KCNH7: variants seen among roughly 807,000 people sequenced by gnomAD.
KCNH7 encodes voltage-gated inwardly rectifying potassium channel KCNH7.
KCNH7 carries 49 observed loss-of-function variants against 120.8 expected under a neutral mutation model. That is an observed-to-expected ratio of 0.41 (90% confidence interval 0.32 to 0.51). KCNH7 has a LOEUF of 0.51. Among genes scored for constraint, KCNH7 ranks in the 20% least tolerant of loss-of-function variants. KCNH7 has a pLI of 0.38. For synonymous variants in KCNH7, 547 were observed against 516.1 expected (o/e 1.06, Z -0.81); for missense variants, 1,097 against 1,446.6 (o/e 0.76, Z 3.92).
Position 162,838,582 on chromosome 2 carries a change from C to G in KCNH7, c.-64G>C. On this transcript the variant is annotated 5_prime_UTR_variant, in exon 1 of 16. Transcript: ENST00000332142. The stretch of plus-strand genomic sequence containing the variant: ...CTGGAGTTCTCCCGGGATCTCTCCT[C>G]GGCTAGAGCCCAGGCCAGCGCGCGA... 3.7e-6 allele frequency: 5 copies of G among 1,358,050 alleles called. No individual in the cohort carries two copies. Among genetic ancestry groups the G allele is most frequent in the Non-Finnish European group, 5.2e-6 (5 of 968,116 alleles). 84.1% of individuals were successfully genotyped at this position (1,358,050 alleles called of 1,614,324 possible).
At chr2:162,750,352 TAA>T (rs959689408) in intron 2 of KCNH7, among the ~76,000 whole-genome samples, 1 of 151,432 alleles carries the variant, frequency 6.6e-6, no homozygotes, top group Non-Finnish European at 1.5e-5. Context: ...ATTTAAAAAA[TAA>T]AAAAAACTGG....
chr2:162,723,463 T>C (rs1687403606), intron 2 of KCNH7, among the ~76,000 whole-genome samples: 1 of 152,234 alleles, frequency 6.6e-6, no homozygotes, highest in African/African-American at 2.4e-5. Context: ...AAGGAATCCC[T>C]GCCACACATG....
At chr2:162,760,404 G>A (rs1211608841) in intron 2 of KCNH7, among the ~76,000 whole-genome samples, 1 of 151,936 alleles carries the variant, frequency 6.6e-6, no homozygotes, top group Non-Finnish European at 1.5e-5. Context: ...AAATCACCAT[G>A]TGTGCAAGAC....
Position 162,635,367 on chromosome 2 carries a change from C to T in KCNH7, c.308-98287G>A, listed in dbSNP as rs561368095. On this transcript the variant is annotated intron_variant, in intron 2 of 15. Coordinates refer to ENST00000332142, the MANE Select transcript of KCNH7 (RefSeq NM_033272.4). ...AATAATTATAATAATAATAGGTCCC[C>T]AAGATATTACTATACTTTTTCTGGT... 5.7e-4 allele frequency among the ~76,000 whole-genome samples: 87 copies of T among 152,108 alleles called. 1 individual carries two copies. Among genetic ancestry groups the T allele is most frequent in the Non-Finnish European group, 1.1e-3 (73 of 67,980 alleles).
Position 162,538,101 on chromosome 2 carries a change from T to C in KCNH7, c.308-1021A>G, listed in dbSNP as rs1014837521. The C allele has an allele frequency of 3.3e-5, 5 of 152,058 alleles. 1 individual carries two copies. In the South Asian group the frequency reaches 6.2e-4, roughly 19 times the overall value. 9.4% of individuals were successfully genotyped at this position (152,058 alleles called of 1,614,324 possible). A position where few individuals can be genotyped will look rare whatever the true frequency, so the allele number is the denominator to read the frequency against. On this transcript the variant is annotated intron_variant, in intron 2 of 15. Transcript: ENST00000332142. The stretch of plus-strand genomic sequence containing the variant: ...TAAAATGCCAAAACTTCAGAAGGTG[T>C]TCTTAATCATTTACAAGCTTGTCCA...
chr2:162,620,777 T>A (rs1683325975), intron 2 of KCNH7, among the ~76,000 whole-genome samples: 1 of 152,116 alleles, frequency 6.6e-6, no homozygotes, highest in Non-Finnish European at 1.5e-5. Flanking sequence ...TCTTGCATCT[T>A]TTTTTAGGTG....
chr2:162,527,445 C>T (rs1016096595), intron 3 of KCNH7, among the ~76,000 whole-genome samples: 2 of 151,970 alleles, frequency 1.3e-5, no homozygotes, highest in Admixed American at 1.3e-4. Flanking sequence ...CTCTTATAAA[C>T]CAGCTCTATG....
intron 2 of KCNH7, among the ~76,000 whole-genome samples, chr2:162,781,188 T>C (rs1464301757): frequency 6.6e-6 from 1 of 152,108 alleles, no homozygotes; most frequent in Admixed American, 6.5e-5. Context: ...ATGAATTCAG[T>C]TTGCATTTTG....
chr2:162,557,032 A>AAAGC (rs1692879769), intron 2 of KCNH7, among the ~76,000 whole-genome samples: 1 of 152,220 alleles, frequency 6.6e-6, no homozygotes, highest in Non-Finnish European at 1.5e-5. Context: ...TTAGTGGCTC[A>AAAGC]AAGCAACAAT....
At chr2:162,449,146 C>T (rs1688681094) in intron 6 of KCNH7, among the ~76,000 whole-genome samples, 1 of 151,804 alleles carries the variant, frequency 6.6e-6, no homozygotes. Flanking sequence ...AATAAAATGC[C>T]AGGGAAGTAG....
Position 162,446,042 on chromosome 2 carries a change from C to T in KCNH7, c.1530G>A (p.Leu510=), listed in dbSNP as rs1315745369. 1 of 1,613,252 alleles carries T rather than the reference C, an allele frequency of 6.2e-7. No individual in the cohort carries two copies. The highest frequency in any genetic ancestry group is 1.7e-5 in the Admixed American group (1 of 59,942). ...DMVAAIPFDL[L]IFGSGSDETT... ...CCTCATCAGAACCTGATCCAAAAAT[C>T]AGCAAGTCAAAAGGAATTGCTGCAA... Residue 510 remains leucine, a synonymous_variant, in exon 7 of 16, where the codon CTG becomes CTA. Transcript: ENST00000332142.
rs567359088 is a variant in KCNH7, at chr2:162,619,890, T to G, written c.308-82810A>C. ...TTTAAAAGGACATAAGGTATTTGCATAAATATTTAGATTAAGTATAATACT... is the reference window on the plus strand; with the variant it reads ...TTTAAAAGGACATAAGGTATTTGCAGAAATATTTAGATTAAGTATAATACT... On this transcript the variant is annotated intron_variant, in intron 2 of 15. Coordinates refer to ENST00000332142, the MANE Select transcript of KCNH7 (RefSeq NM_033272.4). Among the ~76,000 whole-genome samples the G allele has an allele frequency of 2.0e-3, 301 of 152,110 alleles. 2 individuals are homozygous for G. Among genetic ancestry groups the G allele is most frequent in the African/African-American group, 6.9e-3 (285 of 41,538 alleles).
intron 14 of KCNH7, among the ~76,000 whole-genome samples, chr2:162,378,774 G>A (rs184296228): frequency 5.9e-5 from 9 of 152,272 alleles, no homozygotes; most frequent in African/African-American, 1.7e-4. Flanking sequence ...CTGTACCTAC[G>A]AAAGGCTAAT....
chr2:162,652,381 T>C (rs1039888117), intron 2 of KCNH7, among the ~76,000 whole-genome samples: 6 of 151,996 alleles, frequency 3.9e-5, no homozygotes, highest in African/African-American at 1.4e-4. Context: ...CAACCTTTTT[T>C]GCCACCAGGG....
chr2:162,481,197 C>T (rs1057241035), intron 6 of KCNH7, among the ~76,000 whole-genome samples: 1 of 152,116 alleles, frequency 6.6e-6, no homozygotes, highest in African/African-American at 2.4e-5. Flanking sequence ...GGATGTGTCA[C>T]CACTGTAACC....
Position 162,464,550 on chromosome 2 carries a change from T to A in KCNH7, c.1129-18107A>T, listed in dbSNP as rs186326561. 2.0e-5 allele frequency among the ~76,000 whole-genome samples: 3 copies of A among 152,148 alleles called. No individual in the cohort carries two copies. In the East Asian group the frequency reaches 5.8e-4, roughly 29 times the overall value. ...TAATAATTGTGTAATAATATAACTA[T>A]ATCCATGTCCCGGACTCCTTGATTT... On this transcript the variant is annotated intron_variant, in intron 6 of 15. Transcript: ENST00000332142.
chr2:162,463,847 T>C (rs530972238), intron 6 of KCNH7, among the ~76,000 whole-genome samples: 3 of 151,226 alleles, frequency 2.0e-5, no homozygotes, highest in African/African-American at 7.2e-5. Context: ...TTTAAAAAGT[T>C]ACCAAATAAA....
intron 2 of KCNH7, among the ~76,000 whole-genome samples, chr2:162,786,018 A>G (rs147295530): frequency 0.018 from 2,793 of 152,238 alleles, 43 homozygotes; most frequent in Non-Finnish European, 0.026. Context: ...CAAGCTGGGC[A>G]GATCACAAGG....
rs147077799 is a variant in KCNH7 at position 162,775,407 on chromosome 2, CAT to C, written c.307+61128_307+61129del. ...TCTACCATGCTTCTCTTTCTACTCA[CAT>C]GTTACCCTTTGAGGAGGCATTGATG... On this transcript the variant is annotated intron_variant, in intron 2 of 15. Transcript: ENST00000332142. 5.6e-3 allele frequency among the ~76,000 whole-genome samples: 857 copies of C among 152,262 alleles called. 8 individuals are homozygous for C. Among genetic ancestry groups the C allele is most frequent in the African/African-American group, 0.019 (805 of 41,554 alleles).
Sources: allele counts gnomAD v4.1 joint callset (sites outside exome capture counted in the v4.1 genomes callset), GRCh38; gene constraint gnomAD v4.1.1; transcripts MANE v1.5; gene names NCBI Gene and HGNC (gene_info 2026-07-23, HGNC 2026-07-21).